The following SLC22A23 variants were observed in gnomAD, a reference collection of about 807,000 sequenced individuals.
SLC22A23 encodes the protein ion transporter protein.
SLC22A23 carries 26 observed loss-of-function variants against 61.0 expected under a neutral mutation model. That is an observed-to-expected ratio of 0.43 (90% CI 0.31 to 0.59). The LOEUF (loss-of-function observed/expected upper bound fraction) is 0.59, where lower values mean the gene tolerates loss of function less well. Ranked by LOEUF, SLC22A23 falls within the 20% of genes least tolerant of loss-of-function variation. The pLI, the probability that SLC22A23 is intolerant of heterozygous loss-of-function variation, is 0.11. For missense variants in SLC22A23, 796 were observed against 934.7 expected (o/e 0.85, Z 1.94); for synonymous variants, 430 against 413.9 (o/e 1.04, Z -0.47).
In SLC22A23 at chr6:3,286,389, C is replaced by T. The variant is rs536092852; in HGVS notation, c.1546+470G>A. On this transcript the variant is annotated intron_variant, in intron 7 of 9. Coordinates refer to ENST00000406686, the MANE Select transcript of SLC22A23 (RefSeq NM_015482.2). This position sits in a 1 kb window ranked among gnomAD's most constrained non-coding sequence, Gnocchi z 4.2. ...TGCTGGGATTACAGGCGTGAGCCAC[C>T]GCACCCGGCCAGATTATTTTTAACC... Among the ~76,000 whole-genome samples, 7 of 152,294 alleles carry T rather than the reference C, an allele frequency of 4.6e-5. No individual in the cohort carries two copies. The highest frequency in any genetic ancestry group is 1.9e-4 in the East Asian group (1 of 5,176).
rs1489667362 is a variant in SLC22A23 at position 3,456,290 on chromosome 6, G to T, written c.270C>A (p.Gly90=). ...GGGTCTTCTGATAGCCCCCGCCCAGGCCCCCGAGGAAGGGCAGCACCGACC... is the reference window on the plus strand; with the variant it reads ...GGGTCTTCTGATAGCCCCCGCCCAGTCCCCCGAGGAAGGGCAGCACCGACC... The part of the protein sequence containing the change: ...YDGSVLPFLG[G]LGGGYQKTLV... Residue 90 remains glycine, a synonymous_variant, in exon 1 of 10, where the codon GGC becomes GGA. Transcript: ENST00000406686. This position sits in a 1 kb window ranked among gnomAD's most constrained non-coding sequence, Gnocchi z 7.1. 1 of 1,551,104 alleles carries T rather than the reference G, an allele frequency of 6.4e-7. No individual in the cohort carries two copies. Among genetic ancestry groups the T allele is most frequent in the East Asian group, 2.4e-5 (1 of 40,978 alleles).
chr6:3,412,950 C>T (rs919281060), intron 2 of SLC22A23, among the ~76,000 whole-genome samples: 1 of 152,140 alleles, frequency 6.6e-6, no homozygotes, highest in Non-Finnish European at 1.5e-5. Context: ...CCTGCTGACA[C>T]CCCGACTTTA....
intron 5 of SLC22A23, among the ~76,000 whole-genome samples, chr6:3,292,784 G>A (rs1032439245): frequency 2.6e-5 from 4 of 152,220 alleles, no homozygotes; most frequent in Non-Finnish European, 5.9e-5. Flanking sequence ...CCAGCTGCTC[G>A]TCTGTGAAGT....
chr6:3,416,027 A>G (rs948918704), intron 1 of SLC22A23, among the ~76,000 whole-genome samples, 172 bp from the exon 2 acceptor site: 2 of 152,262 alleles, frequency 1.3e-5, no homozygotes, highest in African/African-American at 4.8e-5. Context: ...AATGAGACAT[A>G]TAATTTGCCC....
intron 3 of SLC22A23, among the ~76,000 whole-genome samples, chr6:3,354,102 G>T (rs1373381397): frequency 6.6e-6 from 1 of 152,202 alleles, no homozygotes; most frequent in African/African-American, 2.4e-5. Context: ...AAATTTCGAT[G>T]GTGATCACAT....
At chr6:3,374,579 G>T (rs1344968512) in intron 3 of SLC22A23, among the ~76,000 whole-genome samples, 1 of 152,334 alleles carries the variant, frequency 6.6e-6, no homozygotes, top group South Asian at 2.1e-4. Context: ...AAACTATGAT[G>T]ACCCTTAAGT....
At chr6:3,282,980 C>T (rs1446055516) in intron 9 of SLC22A23, among the ~76,000 whole-genome samples, 4 of 152,086 alleles carry the variant, frequency 2.6e-5, no homozygotes, top group African/African-American at 4.8e-5. Context: ...ATGAAATGGC[C>T]GCAGACTCCA....
At chr6:3,419,032 C>T (rs1234616975) in intron 1 of SLC22A23, among the ~76,000 whole-genome samples, 1 of 152,144 alleles carries the variant, frequency 6.6e-6, no homozygotes, top group African/African-American at 2.4e-5. Context: ...GTTCACATTG[C>T]TCTAGATAAG....
rs11970641 is a variant in SLC22A23, at chr6:3,328,220, G to A, written c.914-4218C>T. ...GAGGGTTGTGAGAATGAAACAGTAC[G>A]TAGCTGAGACTGAACTGAGGCATTT... is the stretch of plus-strand genomic sequence containing the variant. On this transcript the variant is annotated intron_variant, in intron 3 of 9. Transcript: ENST00000406686. This position sits in a 1 kb window ranked among gnomAD's most constrained non-coding sequence, Gnocchi z 5.0. Among the ~76,000 whole-genome samples the A allele has an allele frequency of 0.052, 7,919 of 151,600 alleles. 717 individuals carry two copies. The highest frequency in any genetic ancestry group is 0.18 in the African/African-American group (7,496 of 41,212).
At chr6:3,411,943 T>C (rs1769282809) in intron 2 of SLC22A23, among the ~76,000 whole-genome samples, 1 of 152,260 alleles carries the variant, frequency 6.6e-6, no homozygotes, top group African/African-American at 2.4e-5. Flanking sequence ...AATACAGCTT[T>C]AGTCATTCTC....
rs34847864 is a variant in SLC22A23, at chr6:3,369,050, C to CT, written c.913+41137dup. 7.9e-3 allele frequency among the ~76,000 whole-genome samples: 1,164 copies of CT among 147,440 alleles called. 10 individuals carry two copies. Among genetic ancestry groups the CT allele is most frequent in the African/African-American group, 0.023 (942 of 40,190 alleles). On this transcript the variant is annotated intron_variant, in intron 3 of 9. Coordinates refer to ENST00000406686, the MANE Select transcript of SLC22A23 (RefSeq NM_015482.2). ...GACTGTCACTATTGTGTGAGGTTTA[C>CT]TTTTTTTTTTTTTATGAAAATACTT...
At chr6:3,349,869 C>CCA (rs1561915661) in intron 3 of SLC22A23, among the ~76,000 whole-genome samples, 4 of 152,266 alleles carry the variant, frequency 2.6e-5, no homozygotes, top group Admixed American at 1.3e-4. Context: ...CCATCGCTCT[C>CCA]TGATCACAGA....
intron 3 of SLC22A23, among the ~76,000 whole-genome samples, chr6:3,366,534 A>T (rs1306313320): frequency 2.0e-5 from 3 of 151,916 alleles, no homozygotes; most frequent in Non-Finnish European, 4.4e-5. Flanking sequence ...ACAGTTCCTG[A>T]CTCAACAAAT....
At chr6:3,283,802 C>CTTTGA in intron 9 of SLC22A23, 50 bp downstream of exon 9, 4 of 1,609,554 alleles carry the variant, frequency 2.5e-6, no homozygotes, top group Non-Finnish European at 1.7e-6. Context: ...AGGGACTCGT[C>CTTTGA]TTTGATTTCC....
rs144457784 is a variant in SLC22A23 at position 3,308,958 on chromosome 6, A to G, written c.1083-10740T>C. Among the ~76,000 whole-genome samples the G allele has an allele frequency of 6.6e-6, 1 of 151,820 alleles. No homozygotes were observed. The highest frequency in any genetic ancestry group is 6.6e-5 in the Admixed American group (1 of 15,256). On this transcript the variant is annotated intron_variant, in intron 4 of 9. Transcript: ENST00000406686. This position sits in a 1 kb window ranked among gnomAD's most constrained non-coding sequence, Gnocchi z 5.1. ...ACTCTGTCTCAAAAAACAAACAAAC[A>G]AACCAACCAAAAAACCCCAACAACC... is the stretch of plus-strand genomic sequence containing the variant.
intron 3 of SLC22A23, among the ~76,000 whole-genome samples, chr6:3,340,602 A>G (rs1764097777): frequency 6.6e-6 from 1 of 152,212 alleles, no homozygotes; most frequent in South Asian, 2.1e-4. Context: ...TTTGTAACCG[A>G]TCCTTTGTGT....
intron 3 of SLC22A23, among the ~76,000 whole-genome samples, chr6:3,352,388 C>T (rs891731572): frequency 1.3e-5 from 2 of 152,064 alleles, no homozygotes; most frequent in African/African-American, 4.8e-5. Context: ...CAGACACACT[C>T]ACACACAGAC....
intron 1 of SLC22A23, among the ~76,000 whole-genome samples, chr6:3,452,556 G>A (rs559046771): frequency 1.3e-4 from 16 of 123,550 alleles, no homozygotes; most frequent in Admixed American, 2.2e-4. Context: ...CTGTGATATC[G>A]TACCACTGGA....
chr6:3,307,538 C>T (rs549505780), intron 4 of SLC22A23, among the ~76,000 whole-genome samples: 39 of 152,356 alleles, frequency 2.6e-4, no homozygotes, highest in African/African-American at 8.4e-4. Context: ...CGGAGCCCTG[C>T]GGATGTTCCA....
Sources: allele counts gnomAD v4.1 joint callset (sites outside exome capture counted in the v4.1 genomes callset), GRCh38; gene constraint gnomAD v4.1.1; non-coding constraint Gnocchi (gnomAD v3.1); transcripts MANE v1.5; gene names NCBI Gene and HGNC (gene_info 2026-07-23, HGNC 2026-07-21).